The following SLC4A4 variants were observed in gnomAD, a reference collection of about 807,000 sequenced individuals.
The protein encoded by SLC4A4 is electrogenic sodium bicarbonate cotransporter 1.
SLC4A4 carries 27 observed loss-of-function variants against 111.5 expected under a neutral mutation model. That is an observed-to-expected ratio of 0.24 (90% CI 0.18 to 0.33). The LOEUF (loss-of-function observed/expected upper bound fraction) is 0.33. Ranked by LOEUF, SLC4A4 falls within the 10% of genes least tolerant of loss-of-function variation. The pLI, the probability that SLC4A4 is intolerant of heterozygous loss-of-function variation, is 1.00. For missense variants in SLC4A4, 909 were observed against 1,315.5 expected (o/e 0.69, Z 4.78); for synonymous variants, 443 against 463.4 (o/e 0.96, Z 0.57).
intron 1 of SLC4A4, among the ~76,000 whole-genome samples, chr4:71,200,657 A>G (rs1439848436): frequency 1.3e-5 from 2 of 152,218 alleles, no homozygotes; most frequent in East Asian, 3.9e-4. Flanking sequence ...GCCATTGGCC[A>G]TCAGCAAAGG....
chr4:71,489,227 C>A (rs529868606), intron 15 of SLC4A4, among the ~76,000 whole-genome samples: 2 of 151,764 alleles, frequency 1.3e-5, no homozygotes, highest in African/African-American at 4.8e-5. Context: ...TCCCAAAGAC[C>A]ATACATATTA....
intron 7 of SLC4A4, among the ~76,000 whole-genome samples, chr4:71,424,148 AAAAC>A (rs1307126900): frequency 6.6e-6 from 1 of 152,154 alleles, no homozygotes; most frequent in Admixed American, 6.6e-5. Context: ...TTTACAAGAA[AAAAC>A]AAACAACCCC....
At position 71,356,944 on chromosome 4, in the gene SLC4A4, A is replaced by T. The variant is rs143859673; in HGVS notation, c.551-64A>T. The T allele has an allele frequency of 1.1e-4, 152 of 1,444,148 alleles. 1 individual carries two copies. In the East Asian group the frequency reaches 1.9e-3, roughly 18 times the overall value. 89.5% of individuals were successfully genotyped at this position (1,444,148 alleles called of 1,614,324 possible). On this transcript the variant is annotated intron_variant, in intron 5 of 25. Transcript: ENST00000264485. ...TTGAGGGTGACATCCATAAAGTTAG[A>T]GTAAAAAAATAACTTTGTGGTCTTG...
At chr4:71,339,830 C>G in intron 4 of SLC4A4, among the ~76,000 whole-genome samples, 1 of 151,588 alleles carries the variant, frequency 6.6e-6, no homozygotes, top group East Asian at 1.9e-4. Context: ...ACTCAGGTAC[C>G]CAAAAATGAC....
chr4:71,551,253 G>A (rs1000404638), intron 20 of SLC4A4, among the ~76,000 whole-genome samples: 13 of 151,884 alleles, frequency 8.6e-5, no homozygotes, highest in Non-Finnish European at 1.5e-4. Context: ...AAGTTAATTA[G>A]GAGTAGTCAA....
At chr4:71,359,521 T>C (rs905209121) in intron 6 of SLC4A4, among the ~76,000 whole-genome samples, 23 of 152,344 alleles carry the variant, frequency 1.5e-4, no homozygotes, top group African/African-American at 5.5e-4. Context: ...ATTTTTGGCT[T>C]TCTAGAGGTG....
intron 14 of SLC4A4, among the ~76,000 whole-genome samples, chr4:71,479,498 A>G (rs1400966803): frequency 6.6e-6 from 1 of 151,770 alleles, no homozygotes; most frequent in Non-Finnish European, 1.5e-5. Context: ...TTCCCATATT[A>G]TAGTCAATAT....
intron 3 of SLC4A4, among the ~76,000 whole-genome samples, chr4:71,319,071 A>G (rs1169930053): frequency 6.6e-6 from 1 of 151,866 alleles, no homozygotes; most frequent in Non-Finnish European, 1.5e-5. Flanking sequence ...TTTTGTTTTT[A>G]AGTCAGATTA....
At chr4:71,477,090 A>G (rs1728442108) in intron 14 of SLC4A4, among the ~76,000 whole-genome samples, 1 of 151,798 alleles carries the variant, frequency 6.6e-6, no homozygotes, top group African/African-American at 2.4e-5. Context: ...TTAATGTGAT[A>G]AAGTGTAAAT....
intron 1 of SLC4A4, among the ~76,000 whole-genome samples, chr4:71,210,643 A>G (rs1380583019): frequency 6.6e-6 from 1 of 152,238 alleles, no homozygotes; most frequent in Admixed American, 6.5e-5. Context: ...ACAACTAAGG[A>G]GAAGGCTTTC....
chr4:71,407,144 A>G (rs949332265), intron 7 of SLC4A4, among the ~76,000 whole-genome samples: 2 of 152,206 alleles, frequency 1.3e-5, no homozygotes, highest in Admixed American at 6.6e-5. Context: ...ACTGTGGAAC[A>G]GACACGTATT....
At chr4:71,324,111 G>C (rs893519457) in intron 3 of SLC4A4, among the ~76,000 whole-genome samples, 2 of 151,984 alleles carry the variant, frequency 1.3e-5, no homozygotes, top group Non-Finnish European at 2.9e-5. Context: ...GGGGAATGCA[G>C]TCTTACGATA....
At chr4:71,438,373 A>T (rs989841997) in intron 7 of SLC4A4, among the ~76,000 whole-genome samples, 1 of 152,252 alleles carries the variant, frequency 6.6e-6, no homozygotes, top group Admixed American at 6.5e-5. Flanking sequence ...GCTTCTTTTA[A>T]AAAGTCAATA....
At chr4:71,473,639 C>A (rs754632667) in intron 14 of SLC4A4, among the ~76,000 whole-genome samples, 1 of 151,780 alleles carries the variant, frequency 6.6e-6, no homozygotes, top group Non-Finnish European at 1.5e-5. Context: ...ATGTGATTCT[C>A]TATATCTTAG....
At chr4:71,212,214 A>T (rs1417275176) in intron 1 of SLC4A4, among the ~76,000 whole-genome samples, 1 of 152,170 alleles carries the variant, frequency 6.6e-6, no homozygotes, top group Non-Finnish European at 1.5e-5. Context: ...TGAGTTCTTT[A>T]TCTCTATTGT....
chr4:71,298,674 G>T (rs891277215), intron 3 of SLC4A4, among the ~76,000 whole-genome samples: 2 of 152,164 alleles, frequency 1.3e-5, no homozygotes, highest in African/African-American at 4.8e-5. Flanking sequence ...TCACATCCTG[G>T]AAAATGTTTT....
chr4:71,466,404 A>G lies in SLC4A4; in HGVS notation c.1498-40A>G, dbSNP rs766797785. The G allele has an allele frequency of 1.9e-6, 3 of 1,612,208 alleles. No individual in the cohort carries two copies. The Admixed American group carries it at 5.0e-5, about 27-fold the overall frequency. ...GTGACATCACAAATGAGAAGAAAAA[A>G]GATGTGTTTCATTTAACATCTATAT... On this transcript the variant is annotated intron_variant, in intron 12 of 25. Coordinates refer to ENST00000264485, the MANE Select transcript of SLC4A4 (RefSeq NM_001098484.3).
At chr4:71,499,892 G>T (rs565348168) in intron 16 of SLC4A4, among the ~76,000 whole-genome samples, 2 of 152,294 alleles carry the variant, frequency 1.3e-5, no homozygotes, top group East Asian at 3.9e-4. Context: ...GAACATGAGA[G>T]TGTTGACATC....
Position 71,570,971 on chromosome 4 carries a change from C to T in SLC4A4, c.*3220C>T, listed in dbSNP as rs1315869687. ...GAAGTAGGAAAACAAAAACCTCTCTCCTCAGCCTTCCACCTCCAAGAGAGG... is the reference window on the plus strand; with the variant it reads ...GAAGTAGGAAAACAAAAACCTCTCTTCTCAGCCTTCCACCTCCAAGAGAGG... On this transcript the variant is annotated 3_prime_UTR_variant, in exon 26 of 26. Transcript: ENST00000264485. 6.6e-6 allele frequency: 1 copy of T among 152,144 alleles called. No homozygotes were observed. The highest frequency in any genetic ancestry group is 1.5e-5 in the Non-Finnish European group (1 of 67,812). The allele number at this position is 152,144 out of a possible 1,614,324, so 9.4% of individuals were successfully genotyped here.
Sources: allele counts gnomAD v4.1 joint callset (sites outside exome capture counted in the v4.1 genomes callset), GRCh38; gene constraint gnomAD v4.1.1; transcripts MANE v1.5; gene names NCBI Gene and HGNC (gene_info 2026-07-23, HGNC 2026-07-21).